ETV1: variants seen among roughly 807,000 people sequenced by gnomAD.
ETV1 encodes the protein ETS variant transcription factor 1, also known as ETS translocation variant 1.
Under a neutral mutation model 62.3 loss-of-function variants are expected in ETV1, and 27 were observed. The observed-to-expected ratio is 0.43, with a 90% confidence interval of 0.32 to 0.60. The LOEUF is 0.60. Ranked by LOEUF, ETV1 falls within the 20% of genes least tolerant of loss-of-function variation. ETV1 has a pLI of 0.06. For synonymous variants in ETV1, 222 were observed against 199.6 expected (o/e 1.11, Z -0.94); for missense variants, 605 against 605.8 (o/e 1.00, Z 0.01).
chr7:13,912,185 C>T (rs951293105), intron 9 of ETV1, among the ~76,000 whole-genome samples: 1 of 152,156 alleles, frequency 6.6e-6, no homozygotes, highest in Non-Finnish European at 1.5e-5. Flanking sequence ...AACAGATAGG[C>T]TAAACTCTAT....
intron 9 of ETV1, among the ~76,000 whole-genome samples, chr7:13,929,588 A>T (rs1259634719): frequency 6.6e-6 from 1 of 152,160 alleles, no homozygotes; most frequent in Non-Finnish European, 1.5e-5. Context: ...AGTTTCACAC[A>T]TCAAGATCCA....
chr7:13,900,894 T>G, intron 12 of ETV1, 55 bp from the exon 13 acceptor site: 1 of 1,191,204 alleles, frequency 8.4e-7, no homozygotes, highest in South Asian at 1.5e-5. Flanking sequence ...TCAGCATATT[T>G]CATAAAAATT....
chr7:13,906,475 G>A lies in ETV1; in HGVS notation c.1065C>T (p.Ala355=), dbSNP rs1027136314. 6.2e-7 allele frequency: 1 copy of A among 1,609,976 alleles called. No individual in the cohort carries two copies. The highest frequency in any genetic ancestry group is 1.3e-5 in the African/African-American group (1 of 74,896). The part of the protein sequence containing the change: ...LDDPSNSHFI[A]WTGRGMEFKL... ...TAAATTCCATGCCTCGACCAGTCCA[G>A]GCAATAAAATGAGAATTTGAAGGGT... is the stretch of plus-strand genomic sequence containing the variant. The change falls in exon 12 of 14, where the codon GCC becomes GCT. Residue 355 remains alanine, a synonymous_variant. Transcript: ENST00000430479.
chr7:13,924,236 A>G (rs1296015458), intron 9 of ETV1, among the ~76,000 whole-genome samples: 1 of 152,160 alleles, frequency 6.6e-6, no homozygotes, highest in East Asian at 1.9e-4. Flanking sequence ...CAAGGGCATT[A>G]AGAAAGAAAG....
chr7:13,963,210 T>C (rs1790390909), intron 6 of ETV1, among the ~76,000 whole-genome samples: 1 of 152,120 alleles, frequency 6.6e-6, no homozygotes, highest in Non-Finnish European at 1.5e-5. Flanking sequence ...GTATTATTGC[T>C]AGTATTGTAT....
chr7:13,906,644 C>T, intron 11 of ETV1, 45 bp from the exon 12 acceptor site: 1 of 1,391,204 alleles, frequency 7.2e-7, no homozygotes, highest in South Asian at 1.4e-5. Context: ...CAATACTATG[C>T]TATCTTACAT....
intron 9 of ETV1, among the ~76,000 whole-genome samples, chr7:13,922,283 G>C (rs181649193): frequency 1.3e-5 from 2 of 152,198 alleles, no homozygotes; most frequent in East Asian, 3.9e-4. Flanking sequence ...GCATACATTC[G>C]TAACAACTTG....
intron 6 of ETV1, among the ~76,000 whole-genome samples, chr7:13,967,764 T>C (rs1449409548): frequency 1.3e-5 from 2 of 152,070 alleles, no homozygotes; most frequent in African/African-American, 4.8e-5. Flanking sequence ...GATGTGAAGG[T>C]CCACATGTAC....
In ETV1 at chr7:13,906,288, T is replaced by C. The variant is rs541702738; in HGVS notation, c.1110+142A>G. The C allele has an allele frequency of 6.2e-5, 34 of 550,708 alleles. No individual in the cohort carries two copies. The African/African-American group carries it at 6.4e-4, about 10-fold the overall frequency. The allele number at this position is 550,708 out of a possible 1,614,324, so 34.1% of individuals were successfully genotyped here. On this transcript the variant is annotated intron_variant, in intron 12 of 13. Transcript: ENST00000430479. ...TGATTTTAAAGGTAGACATGTTTTA[T>C]CTTTGCATGCTTTTTAATTCAGAAA...
At chr7:13,947,752 C>T (rs1788343485) in intron 6 of ETV1, among the ~76,000 whole-genome samples, 1 of 152,148 alleles carries the variant, frequency 6.6e-6, no homozygotes, top group African/African-American at 2.4e-5. Context: ...GCAATTAATT[C>T]ATTAATTCAT....
chr7:13,974,044 G>C (rs1781162690), intron 6 of ETV1, among the ~76,000 whole-genome samples: 1 of 152,192 alleles, frequency 6.6e-6, no homozygotes. Flanking sequence ...TCACAATCTT[G>C]TCAAAGACAC....
At chr7:13,971,225 C>T (rs967926459) in intron 6 of ETV1, among the ~76,000 whole-genome samples, 1 of 152,198 alleles carries the variant, frequency 6.6e-6, no homozygotes, top group Non-Finnish European at 1.5e-5. Context: ...CCTGCCTCGG[C>T]CTCCCAAAGT....
chr7:13,925,554 TA>T (rs1351070614), intron 9 of ETV1, among the ~76,000 whole-genome samples: 1 of 149,796 alleles, frequency 6.7e-6, no homozygotes, highest in African/African-American at 2.4e-5. Flanking sequence ...CTTCTTCAAC[TA>T]TACATTAATT....
At chr7:13,917,294 A>ATT (rs1312280865) in intron 9 of ETV1, among the ~76,000 whole-genome samples, 3 of 128,018 alleles carry the variant, frequency 2.3e-5, no homozygotes, top group African/African-American at 8.8e-5. Context: ...TTGAGTATTT[A>ATT]TTTATTTATT....
At chr7:13,965,494 G>A (rs1042205288) in intron 6 of ETV1, among the ~76,000 whole-genome samples, 2 of 151,908 alleles carry the variant, frequency 1.3e-5, no homozygotes, top group African/African-American at 2.4e-5. Flanking sequence ...AAGCTTGTAC[G>A]TGTAGTCTGA....
intron 5 of ETV1, among the ~76,000 whole-genome samples, chr7:13,982,126 A>C (rs1782047118): frequency 6.6e-6 from 1 of 152,106 alleles, no homozygotes; most frequent in African/African-American, 2.4e-5. Flanking sequence ...GTAAAGTTTT[A>C]GTCGTTGTGT....
Position 13,895,805 on chromosome 7 carries a change from T to C in ETV1, c.*61A>G. ...AGAAATAAAACAAAGATTCAGCAAT[T>C]CTCTGTATCTTGCAGAAAAAAGGAA... is the stretch of plus-strand genomic sequence containing the variant. On this transcript the variant is annotated 3_prime_UTR_variant, in exon 14 of 14. Transcript: ENST00000430479. 1 of 1,064,188 alleles carries C rather than the reference T, an allele frequency of 9.4e-7. No homozygotes were observed. The highest frequency in any genetic ancestry group is 1.4e-6 in the Non-Finnish European group (1 of 703,802). 65.9% of individuals were successfully genotyped at this position (1,064,188 alleles called of 1,614,324 possible).
chr7:13,940,430 C>T (rs1203868381), intron 6 of ETV1, among the ~76,000 whole-genome samples: 1 of 149,404 alleles, frequency 6.7e-6, no homozygotes, highest in African/African-American at 2.5e-5. Context: ...CGATATGAAA[C>T]TGAAGAAATG....
chr7:13,953,716 C>T (rs1789090757), intron 6 of ETV1, among the ~76,000 whole-genome samples: 1 of 151,920 alleles, frequency 6.6e-6, no homozygotes, highest in Admixed American at 6.6e-5. Context: ...TCCTTCTACC[C>T]TGCATCCCCC....
Sources: allele counts gnomAD v4.1 joint callset (sites outside exome capture counted in the v4.1 genomes callset), GRCh38; gene constraint gnomAD v4.1.1; transcripts MANE v1.5; gene names NCBI Gene and HGNC (gene_info 2026-07-23, HGNC 2026-07-21).